Variants in CD34 observed in about 807,000 individuals in gnomAD.
CD34 encodes the protein CD34 molecule.
Under a neutral mutation model 40.1 loss-of-function variants are expected in CD34, and 34 were observed. That is an observed-to-expected ratio of 0.85 (90% confidence interval 0.65 to 1.13). The LOEUF is 1.13. CD34 is among the 50% of genes most tolerant of loss of function. The probability of loss-of-function intolerance (pLI) is 0.00; values close to 1 mark genes in which losing one functional copy is unlikely to be tolerated. For missense variants in CD34, 426 were observed against 466.9 expected, an observed-to-expected ratio of 0.91 and a Z score of 0.81; for synonymous variants, 209 against 190.0, an observed-to-expected ratio of 1.10 and a Z score of -0.82.
chr1:207,894,778 C>T (rs1662114331), intron 4 of CD34, among the ~76,000 whole-genome samples: 1 of 152,026 alleles, frequency 6.6e-6, no homozygotes, highest in Admixed American at 6.6e-5. Context: ...TATCACCTTC[C>T]CTTCCCCTGG....
intron 1 of CD34, among the ~76,000 whole-genome samples, chr1:207,909,719 T>C (rs1662461527): frequency 6.6e-6 from 1 of 152,186 alleles, no homozygotes; most frequent in African/African-American, 2.4e-5. Context: ...CTCACTCCTG[T>C]TATGAGGGCC....
rs769690104 is a variant in CD34 at position 207,889,632 on chromosome 1, A to G, written c.598-11T>C. 3 of 1,611,936 alleles carry G rather than the reference A, an allele frequency of 1.9e-6. No homozygotes were observed. In the African/African-American group the frequency reaches 4.0e-5, roughly 22 times the overall value. ...CTTCTTAAACTCCGCCTGGGAAGAC[A>G]GAGAAACATGGAGAGCAAGAGATGA... On this transcript the variant is annotated splice_polypyrimidine_tract_variant and intron_variant, in intron 4 of 7. Coordinates refer to ENST00000310833, the MANE Select transcript of CD34 (RefSeq NM_001025109.2).
chr1:207,888,552 A>G (rs981098167), intron 7 of CD34, 130 bp downstream of exon 7: 13 of 882,260 alleles, frequency 1.5e-5, no homozygotes, highest in East Asian at 4.8e-5. Context: ...GTGTGCACAC[A>G]TGCATATCTT....
At chr1:207,889,336 C>T in intron 5 of CD34, 123 bp from the exon 6 acceptor site, 1 of 1,545,860 alleles carries the variant, frequency 6.5e-7, no homozygotes, top group Non-Finnish European at 8.8e-7. Context: ...GGACCGCTCC[C>T]AAAGCCAGCC....
Position 207,887,921 on chromosome 1 carries a change from G to T in CD34, c.975C>A (p.Gly325=). The change falls in exon 8 of 8, where the codon GGC becomes GGA. Residue 325 remains glycine (G), a splice_region_variant and synonymous_variant. Coordinates refer to ENST00000310833, the MANE Select transcript of CD34 (RefSeq NM_001025109.2). ...CGTTTTCCGTGTAATAAGGGTCTTC[G>T]CCCTAGACAGTGTATAAATAAAGTA... is the stretch of plus-strand genomic sequence containing the variant. ...RSWSPTGERL[G]EDPYYTENGG... is the part of the protein sequence containing the mutation. The T allele has an allele frequency of 1.2e-6, 2 of 1,611,224 alleles. No individual in the cohort carries two copies. The highest frequency in any genetic ancestry group is 8.5e-7 in the Non-Finnish European group (1 of 1,178,900).
chr1:207,902,133 C>T (rs7521494), intron 1 of CD34, among the ~76,000 whole-genome samples: 5,087 of 152,266 alleles, frequency 0.033, 289 homozygotes, highest in African/African-American at 0.11. Flanking sequence ...CTGCAGCAAT[C>T]GTGTCTTACT....
intron 3 of CD34, among the ~76,000 whole-genome samples, chr1:207,897,812 G>A (rs979667488): frequency 6.6e-6 from 1 of 152,130 alleles, no homozygotes; most frequent in Non-Finnish European, 1.5e-5. Flanking sequence ...GGGCTTACTG[G>A]CAAGCAGCTA....
chr1:207,899,804 A>C lies in CD34; in HGVS notation c.262+17T>G. ...CACCAGCATCTCTCCGGGATCTGAC[A>C]CAAATGCTGTTTTTACCTGTGATGT... is the stretch of plus-strand genomic sequence containing the variant. On this transcript the variant is annotated intron_variant, in intron 2 of 7. Coordinates refer to ENST00000310833, the MANE Select transcript of CD34 (RefSeq NM_001025109.2). 6.2e-7 allele frequency: 1 copy of C among 1,601,654 alleles called. No homozygotes were observed. The highest frequency in any genetic ancestry group is 8.5e-7 in the Non-Finnish European group (1 of 1,173,594).
At chr1:207,901,582 C>T (rs1234876536) in intron 1 of CD34, among the ~76,000 whole-genome samples, 1 of 152,250 alleles carries the variant, frequency 6.6e-6, no homozygotes, top group Non-Finnish European at 1.5e-5. Context: ...CAGGAGCCAT[C>T]TCTTCCTGCT....
At chr1:207,900,537 T>A (rs1199450754) in intron 1 of CD34, among the ~76,000 whole-genome samples, 1 of 152,232 alleles carries the variant, frequency 6.6e-6, no homozygotes, top group African/African-American at 2.4e-5. Context: ...TACTAACTCT[T>A]GGAATAATCA....
intron 3 of CD34, among the ~76,000 whole-genome samples, chr1:207,898,322 G>C (rs1662194096): frequency 6.6e-6 from 1 of 152,148 alleles, no homozygotes; most frequent in African/African-American, 2.4e-5. Context: ...TGGGATTACA[G>C]GCATGAGCCA....
intron 4 of CD34, among the ~76,000 whole-genome samples, chr1:207,896,763 T>A (rs568539910): frequency 2.5e-4 from 38 of 152,034 alleles, no homozygotes; most frequent in South Asian, 2.1e-3. Flanking sequence ...AAGAAAAAAA[T>A]AATTTACATT....
intron 5 of CD34, 115 bp downstream of exon 5, chr1:207,889,350 T>C (rs1438181769): frequency 1.3e-6 from 2 of 1,538,880 alleles, no homozygotes; most frequent in Non-Finnish European, 1.8e-6. Flanking sequence ...GCCAGCCAAG[T>C]CCTTCTCCCC....
Position 207,897,574 on chromosome 1 carries a change from C to T in CD34, c.517-1G>A. ...TGATGCCTGAACATTTGATTTCTGCCTGTATTAAAACAAAAACAATAACAA... is the reference window on the plus strand; with the variant it reads ...TGATGCCTGAACATTTGATTTCTGCTTGTATTAAAACAAAAACAATAACAA... On this transcript the variant is annotated splice_acceptor_variant, in intron 3 of 7. Transcript: ENST00000310833. LOFTEE classifies it high-confidence loss of function. 6.4e-7 allele frequency: 1 copy of T among 1,550,624 alleles called. No homozygotes were observed. The highest frequency in any genetic ancestry group is 8.7e-7 in the Non-Finnish European group (1 of 1,145,512).
intron 1 of CD34, among the ~76,000 whole-genome samples, chr1:207,900,952 A>G (rs1342462207): frequency 6.6e-6 from 1 of 150,936 alleles, no homozygotes; most frequent in Non-Finnish European, 1.5e-5. Flanking sequence ...GAAGATCTTC[A>G]TGAGTGTCTT....
rs775585219 is a variant in CD34 at position 207,889,545 on chromosome 1, C to CCAGCAT, written c.668_673dup (p.Asp223_Ala224dup). 4 of 1,614,186 alleles carry CCAGCAT rather than the reference C, an allele frequency of 2.5e-6. No individual in the cohort carries two copies. The highest frequency in any genetic ancestry group is 3.3e-5 in the Admixed American group (2 of 60,020). ...AAGGAGCAGGGAGCATACCTGGGCC[C>CCAGCAT]CAGCATCAGCATCAGCCTGCTCCTC... On this transcript the variant is annotated inframe_insertion, in exon 5 of 8. Coordinates refer to ENST00000310833, the MANE Select transcript of CD34 (RefSeq NM_001025109.2).
chr1:207,903,988 T>G (rs1662328431), intron 1 of CD34, among the ~76,000 whole-genome samples: 1 of 145,460 alleles, frequency 6.9e-6, no homozygotes, highest in Non-Finnish European at 1.5e-5. Context: ...CATAAAGTCC[T>G]TTTCGGGGGG....
intron 4 of CD34, among the ~76,000 whole-genome samples, chr1:207,895,782 C>G (rs1377446259): frequency 1.3e-5 from 2 of 152,166 alleles, no homozygotes; most frequent in Non-Finnish European, 2.9e-5. Context: ...GTATGCTCCA[C>G]CAAGTCGATG....
chr1:207,882,522 G>T lies in CD34; in HGVS notation c.*5216C>A, dbSNP rs2102291244. ...AACCATTAACAGATGCCAACATTGAGATGATAAAGATGTTGAAACCATCTG... is the reference window on the plus strand; with the variant it reads ...AACCATTAACAGATGCCAACATTGATATGATAAAGATGTTGAAACCATCTG... On this transcript the variant is annotated 3_prime_UTR_variant, in exon 8 of 8. Coordinates refer to ENST00000310833, the MANE Select transcript of CD34 (RefSeq NM_001025109.2). 6.6e-6 allele frequency: 1 copy of T among 152,316 alleles called. No homozygotes were observed. Among genetic ancestry groups the T allele is most frequent in the Non-Finnish European group, 1.5e-5 (1 of 68,036 alleles). The allele number at this position is 152,316 out of a possible 1,614,324, so 9.4% of individuals were successfully genotyped here. A position where few individuals can be genotyped will look rare whatever the true frequency, so the allele number is the denominator to read the frequency against.
Sources: allele counts gnomAD v4.1 joint callset (sites outside exome capture counted in the v4.1 genomes callset), GRCh38; gene constraint gnomAD v4.1.1; transcripts MANE v1.5; gene names NCBI Gene and HGNC (gene_info 2026-07-23, HGNC 2026-07-21).